Variants in ITPR1 observed in about 807,000 individuals in gnomAD.
ITPR1 encodes the protein inositol 1,4,5-trisphosphate receptor type 1.
ITPR1 carries 96 observed loss-of-function variants against 318.4 expected under a neutral mutation model. The observed-to-expected ratio is 0.30, with a 90% CI of 0.26 to 0.36. ITPR1 has a LOEUF of 0.36. Ranked by LOEUF, ITPR1 falls within the 10% of genes least tolerant of loss-of-function variation. The pLI, the probability that ITPR1 is intolerant of heterozygous loss-of-function variation, is 1.00. For missense variants in ITPR1, 2,440 were observed against 3,460.2 expected, an observed-to-expected ratio of 0.71 and a Z score of 7.40; for synonymous variants, 1,312 against 1,289.9, an observed-to-expected ratio of 1.02 and a Z score of -0.37.
chr3:4,573,332 A>C (rs2088237960), intron 4 of ITPR1, among the ~76,000 whole-genome samples: 1 of 152,030 alleles, frequency 6.6e-6, no homozygotes, highest in Non-Finnish European at 1.5e-5. Flanking sequence ...AATATATCCT[A>C]CATCTGACTG....
intron 14 of ITPR1, 139 bp from the exon 15 acceptor site, chr3:4,661,943 T>C (rs1559637627): frequency 1.7e-6 from 1 of 603,868 alleles, no homozygotes; most frequent in Middle Eastern, 3.4e-4. Context: ...TCCTTGTAGA[T>C]TTTTTTCCTA....
chr3:4,717,913 T>C (rs2041888470), intron 40 of ITPR1, among the ~76,000 whole-genome samples: 1 of 152,236 alleles, frequency 6.6e-6, no homozygotes, highest in African/African-American at 2.4e-5. Context: ...TCCTACGTGC[T>C]AGTTGAGACT....
At chr3:4,567,980 T>C (rs533729156) in intron 4 of ITPR1, among the ~76,000 whole-genome samples, 3 of 89,100 alleles carry the variant, frequency 3.4e-5, no homozygotes, top group East Asian at 6.7e-4. Flanking sequence ...GTAATTAAGG[T>C]GAGAGTGCTG....
rs374620253 is a variant in ITPR1, at chr3:4,670,930, C to T, written c.2204+4C>T. The stretch of plus-strand genomic sequence containing the variant: ...GAGACGTTCTCAGCTACTACAGGTG[C>T]GTGGGACACGTGTGGGGCTCAGATT... On this transcript the variant is annotated splice_donor_region_variant and intron_variant, in intron 20 of 61. Coordinates refer to ENST00000649015, the MANE Select transcript of ITPR1 (RefSeq NM_001378452.1). The T allele has an allele frequency of 1.4e-5, 22 of 1,544,072 alleles. No homozygotes were observed. Among genetic ancestry groups the T allele is most frequent in the African/African-American group, 5.5e-5 (4 of 72,956 alleles).
intron 4 of ITPR1, among the ~76,000 whole-genome samples, chr3:4,523,832 C>T (rs549277620): frequency 6.6e-6 from 1 of 152,248 alleles, no homozygotes; most frequent in South Asian, 2.1e-4. Flanking sequence ...GTTTTTCTGG[C>T]ACGACTGTAA....
At chr3:4,549,374 A>G (rs1185424958) in intron 4 of ITPR1, among the ~76,000 whole-genome samples, 2 of 152,212 alleles carry the variant, frequency 1.3e-5, no homozygotes, top group Non-Finnish European at 2.9e-5. Context: ...AATAAAAAGT[A>G]GGAAAGAACT....
intron 3 of ITPR1, among the ~76,000 whole-genome samples, chr3:4,519,878 T>C (rs1306885642): frequency 7.2e-5 from 11 of 151,818 alleles, no homozygotes; most frequent in African/African-American, 2.4e-4. Context: ...GTCAGTGAGG[T>C]TGGGAGGACA....
intron 51 of ITPR1, among the ~76,000 whole-genome samples, chr3:4,786,824 T>G (rs2125404329): frequency 6.6e-6 from 1 of 152,320 alleles, no homozygotes; most frequent in East Asian, 1.9e-4. Flanking sequence ...ATAGGCATGT[T>G]GGTTCATGTA....
At chr3:4,752,715 C>A (rs571208594) in intron 44 of ITPR1, among the ~76,000 whole-genome samples, 5 of 152,184 alleles carry the variant, frequency 3.3e-5, no homozygotes, top group South Asian at 4.1e-4. Context: ...ACCAAGCTGG[C>A]CTTGAACTCC....
intron 4 of ITPR1, among the ~76,000 whole-genome samples, chr3:4,525,291 T>A (rs1018912106): frequency 6.6e-6 from 1 of 152,214 alleles, no homozygotes; most frequent in Non-Finnish European, 1.5e-5. Flanking sequence ...ATAGAGTGCT[T>A]AGTACACAGT....
In ITPR1 at chr3:4,730,406, TGTGTGTGTGTGTG is replaced by T. The variant is rs1559788538; in HGVS notation, c.5221-2681_5221-2669del. 2.0e-3 allele frequency among the ~76,000 whole-genome samples: 288 copies of T among 146,570 alleles called. 2 individuals are homozygous for T. Among genetic ancestry groups the T allele is most frequent in the African/African-American group, 6.4e-3 (250 of 39,292 alleles). ...GTGTGTGTGTGTGTGTGTGTGTGTGTGTGTGTGTGTGTGTTTCCCCCAGAATGAGCACATTTCA... is the reference window on the plus strand; with the variant it reads ...GTGTGTGTGTGTGTGTGTGTGTGTGTTTTCCCCCAGAATGAGCACATTTCA... On this transcript the variant is annotated intron_variant, in intron 42 of 61. Transcript: ENST00000649015.
intron 4 of ITPR1, among the ~76,000 whole-genome samples, chr3:4,551,939 T>C (rs924871682): frequency 6.6e-6 from 1 of 152,170 alleles, no homozygotes; most frequent in Non-Finnish European, 1.5e-5. Context: ...CTAACGAACA[T>C]TTATTACATA....
At chr3:4,594,168 C>T (rs535904282) in intron 4 of ITPR1, among the ~76,000 whole-genome samples, 2 of 152,320 alleles carry the variant, frequency 1.3e-5, no homozygotes. Context: ...TTCCCACCTT[C>T]ACCAGGGACT....
chr3:4,785,818 C>G (rs1458304241), intron 51 of ITPR1, among the ~76,000 whole-genome samples: 1 of 152,162 alleles, frequency 6.6e-6, no homozygotes, highest in Non-Finnish European at 1.5e-5. Context: ...TCTCCTGACT[C>G]CAGATTCTAA....
chr3:4,560,209 T>G (rs2086537755), intron 4 of ITPR1, among the ~76,000 whole-genome samples: 1 of 152,204 alleles, frequency 6.6e-6, no homozygotes, highest in African/African-American at 2.4e-5. Flanking sequence ...GATTGGTGGA[T>G]GCACAGATGG....
intron 44 of ITPR1, chr3:4,751,659 G>T (rs746705500): frequency 6.6e-6 from 1 of 152,204 alleles, no homozygotes; most frequent in Non-Finnish European, 1.5e-5. Context: ...ATTAACTTCT[G>T]TTAGAGACAT....
intron 39 of ITPR1, among the ~76,000 whole-genome samples, chr3:4,716,802 T>C (rs1050914354): frequency 1.3e-5 from 2 of 152,214 alleles, no homozygotes; most frequent in Non-Finnish European, 2.9e-5. Flanking sequence ...CTAATATCAC[T>C]TGAGTTGGCA....
chr3:4,580,444 C>A (rs796386580), intron 4 of ITPR1, among the ~76,000 whole-genome samples: 50 of 152,266 alleles, frequency 3.3e-4, no homozygotes, highest in African/African-American at 1.2e-3. Flanking sequence ...CCCCACAGAT[C>A]CCCCACCTTT....
rs191686153 is a variant in ITPR1 at position 4,757,519 on chromosome 3, A to G, written c.5545-9011A>G. 1.7e-3 allele frequency among the ~76,000 whole-genome samples: 253 copies of G among 152,266 alleles called. 3 individuals are homozygous for G. Among genetic ancestry groups the G allele is most frequent in the Admixed American group, 0.014 (221 of 15,294 alleles). On this transcript the variant is annotated intron_variant, in intron 44 of 61. Transcript: ENST00000649015. ...AATGCCAAAAGGTGTTCAGAACAGG[A>G]CAGACTCTTGCTCAGGGGAGAGGTG...
Sources: gnomAD v4.1 joint callset for allele counts (sites outside exome capture counted in the v4.1 genomes callset) on GRCh38, gnomAD v4.1.1 for gene constraint, MANE v1.5 for transcripts, NCBI Gene and HGNC (gene_info 2026-07-23, HGNC 2026-07-21) for gene names.